STARD13: variants seen among roughly 807,000 people sequenced by gnomAD.
STARD13 encodes StAR related lipid transfer domain containing 13.
A neutral mutation model predicts 106.4 loss-of-function variants in STARD13; 62 were observed. That is an observed-to-expected ratio of 0.58 (90% CI 0.48 to 0.72). The LOEUF is 0.72. Ranked by LOEUF, STARD13 falls within the 30% of genes least tolerant of loss-of-function variation. STARD13 has a pLI of 0.00. For synonymous variants in STARD13, 565 were observed against 553.0 expected, an observed-to-expected ratio of 1.02 and a Z score of -0.31; for missense variants, 1,387 against 1,424.0, an observed-to-expected ratio of 0.97 and a Z score of 0.42.
chr13:33,438,784 A>G, the STARD13 span, among the ~76,000 whole-genome samples: 2 of 152,226 alleles, frequency 1.3e-5, no homozygotes. Flanking sequence ...TGGGTGTCTG[A>G]ATAATGAACT....
At chr13:33,273,048 G>A (rs535158194) in intron 1 of STARD13, among the ~76,000 whole-genome samples, 31 of 152,246 alleles carry the variant, frequency 2.0e-4, no homozygotes, top group African/African-American at 7.0e-4. Flanking sequence ...TATTGATAGC[G>A]CCCTCTTGGA....
the STARD13 span, among the ~76,000 whole-genome samples, chr13:33,409,146 A>T: frequency 6.6e-6 from 1 of 152,112 alleles, no homozygotes; most frequent in Non-Finnish European, 1.5e-5. Flanking sequence ...CACTGTATGT[A>T]TCTCCAATAC....
chr13:33,514,483 G>T, the STARD13 span, among the ~76,000 whole-genome samples: 1 of 152,164 alleles, frequency 6.6e-6, no homozygotes, highest in Non-Finnish European at 1.5e-5. Context: ...CTGTGAGCTG[G>T]TCTGGGAGAG....
chr13:33,266,079 A>G (rs1232691810), intron 1 of STARD13, among the ~76,000 whole-genome samples: 1 of 152,240 alleles, frequency 6.6e-6, no homozygotes, highest in Non-Finnish European at 1.5e-5. Flanking sequence ...CTGCAGCAGC[A>G]GCAGAAGCAA....
the STARD13 span, among the ~76,000 whole-genome samples, chr13:33,485,348 A>G: frequency 6.6e-6 from 1 of 152,216 alleles, no homozygotes; most frequent in Admixed American, 6.5e-5. Flanking sequence ...TGTTTTTAAA[A>G]TGTTTCTGAC....
At chr13:33,498,143 C>T in the STARD13 span, among the ~76,000 whole-genome samples, 20 of 152,174 alleles carry the variant, frequency 1.3e-4, no homozygotes, top group Admixed American at 1.2e-3. Flanking sequence ...GCATCTAGTT[C>T]TTTGCAAACA....
At chr13:33,531,551 T>C in the STARD13 span, among the ~76,000 whole-genome samples, 3 of 152,140 alleles carry the variant, frequency 2.0e-5, no homozygotes, top group Non-Finnish European at 4.4e-5. Context: ...AGCCTAGAAA[T>C]AGAAGTTTCT....
the STARD13 span, among the ~76,000 whole-genome samples, chr13:33,662,089 C>T: frequency 7.9e-5 from 12 of 151,718 alleles, no homozygotes; most frequent in Middle Eastern, 3.4e-3. Context: ...GGTGAAACCC[C>T]GTCTCTACTA....
the STARD13 span, among the ~76,000 whole-genome samples, chr13:33,558,269 A>G: frequency 6.6e-6 from 1 of 152,172 alleles, no homozygotes; most frequent in Non-Finnish European, 1.5e-5. Flanking sequence ...CAGTTTCCTT[A>G]TCTATAAATT....
chr13:33,373,678 A>G, the STARD13 span, among the ~76,000 whole-genome samples: 1 of 152,192 alleles, frequency 6.6e-6, no homozygotes, highest in Non-Finnish European at 1.5e-5. Flanking sequence ...CAAATGGCCA[A>G]TGAAAAGATG....
chr13:33,308,740 TC>T lies in STARD13; in HGVS notation c.124+41549del, dbSNP rs767690281. Among the ~76,000 whole-genome samples the T allele has an allele frequency of 1.4e-3, 206 of 152,272 alleles. 2 individuals carry two copies. The highest frequency in any genetic ancestry group is 4.8e-3 in the African/African-American group (199 of 41,550). ...CGTTTCACCATGTTGGTCAGCCTGG[TC>T]TCGAACTCCTGACCTCAGGTGATCC... is the stretch of plus-strand genomic sequence containing the variant. On this transcript the variant is annotated intron_variant, in intron 1 of 5. Transcript: ENST00000567873.
intron 1 of STARD13, among the ~76,000 whole-genome samples, chr13:33,219,813 C>CAAAAAAAA (rs71196513): frequency 1.1e-4 from 13 of 116,654 alleles, no homozygotes; most frequent in East Asian, 2.4e-4. Context: ...TAAAAACAAA[C>CAAAAAAAA]AAAAAAAAAA....
At chr13:33,357,766 C>G in the STARD13 span, among the ~76,000 whole-genome samples, 12 of 152,302 alleles carry the variant, frequency 7.9e-5, no homozygotes, top group African/African-American at 2.6e-4. Flanking sequence ...CCCATCTCTA[C>G]TAAAAATACA....
At chr13:33,358,801 C>G in the STARD13 span, among the ~76,000 whole-genome samples, 1 of 151,404 alleles carries the variant, frequency 6.6e-6, no homozygotes, top group Non-Finnish European at 1.5e-5. Flanking sequence ...ATACACCAAT[C>G]GGCACTCTGT....
At chr13:33,536,229 A>G in the STARD13 span, among the ~76,000 whole-genome samples, 1 of 152,248 alleles carries the variant, frequency 6.6e-6, no homozygotes, top group Non-Finnish European at 1.5e-5. Flanking sequence ...TGTGCTGGCC[A>G]TTATTTAACA....
the STARD13 span, among the ~76,000 whole-genome samples, chr13:33,396,241 C>G: frequency 6.6e-6 from 1 of 152,186 alleles, no homozygotes; most frequent in Admixed American, 6.5e-5. Flanking sequence ...AGTGATCCTC[C>G]TGCCTCAGCC....
chr13:33,433,911 A>C, the STARD13 span, among the ~76,000 whole-genome samples: 7 of 152,228 alleles, frequency 4.6e-5, no homozygotes, highest in Middle Eastern at 3.4e-3. Flanking sequence ...CCTTGTAATG[A>C]GTCACAATGC....
chr13:33,170,521 T>A (rs1883836109), intron 1 of STARD13, among the ~76,000 whole-genome samples: 1 of 152,230 alleles, frequency 6.6e-6, no homozygotes, highest in Non-Finnish European at 1.5e-5. Flanking sequence ...AGAACCCAGA[T>A]AAATCAATCA....
chr13:33,621,294 A>G, the STARD13 span, among the ~76,000 whole-genome samples: 1 of 152,154 alleles, frequency 6.6e-6, no homozygotes. Flanking sequence ...TAGTGAAAAT[A>G]TATTAGAAAA....
Sources: gnomAD v4.1 joint callset for allele counts (sites outside exome capture counted in the v4.1 genomes callset) on GRCh38, gnomAD v4.1.1 for gene constraint, MANE v1.5 for transcripts, NCBI Gene and HGNC (gene_info 2026-07-23, HGNC 2026-07-21) for gene names.